The following CDH13 variants were observed in gnomAD, a reference collection of about 807,000 sequenced individuals.
CDH13 encodes cadherin 13.
In CDH13, 24 loss-of-function variants were observed where a neutral mutation model predicts 63.8. The ratio of observed to expected loss-of-function variants is 0.38; its 90% CI spans 0.27 to 0.53. The LOEUF is 0.53. Ranked by LOEUF, CDH13 falls within the 20% of genes least tolerant of loss-of-function variation. The pLI, the probability that CDH13 is intolerant of heterozygous loss-of-function variation, is 0.85. For synonymous variants in CDH13, 503 were observed against 355.3 expected (o/e 1.42, Z -4.67); for missense variants, 1,049 against 903.1 (o/e 1.16, Z -2.07).
chr16:83,693,268 T>G (rs536630816), intron 10 of CDH13, among the ~76,000 whole-genome samples: 13 of 152,256 alleles, frequency 8.5e-5, no homozygotes, highest in African/African-American at 2.9e-4. Context: ...ATCTAGATTA[T>G]GGAGTCACTG....
intron 1 of CDH13, among the ~76,000 whole-genome samples, chr16:82,793,673 C>G (rs2036431820): frequency 6.6e-6 from 1 of 152,130 alleles, no homozygotes; most frequent in Admixed American, 6.5e-5. Context: ...TCATTTTATT[C>G]TCCGCAGCCT....
intron 6 of CDH13, among the ~76,000 whole-genome samples, chr16:83,420,161 A>G (rs561752819): frequency 5.9e-5 from 9 of 152,308 alleles, no homozygotes; most frequent in Non-Finnish European, 7.4e-5. Flanking sequence ...AGATGCTACA[A>G]ATTGAAATGA....
At chr16:83,365,836 T>A (rs1468515201) in intron 6 of CDH13, among the ~76,000 whole-genome samples, 1 of 152,112 alleles carries the variant, frequency 6.6e-6, no homozygotes, top group Non-Finnish European at 1.5e-5. Context: ...TTGGGCTGCA[T>A]GGGAAGTGTG....
chr16:83,107,730 GT>G (rs2034842024), intron 3 of CDH13, among the ~76,000 whole-genome samples: 1 of 148,364 alleles, frequency 6.7e-6, no homozygotes, highest in African/African-American at 2.5e-5. Context: ...GGAATTTTAG[GT>G]GGGTTTTTTT....
chr16:83,602,600 C>A lies in CDH13; in HGVS notation c.1101+6C>A, dbSNP rs746633264. The A allele has an allele frequency of 2.5e-5, 40 of 1,613,710 alleles. No individual in the cohort carries two copies. The African/African-American group carries it at 4.1e-4, about 17-fold the overall frequency. On this transcript the variant is annotated splice_donor_region_variant and intron_variant, in intron 8 of 13. Coordinates refer to ENST00000567109, the MANE Select transcript of CDH13 (RefSeq NM_001257.5). ...CAAAATTCACCAAGAAAGAGGTAAA[C>A]CCCTGTGCCAAACACCAACCACCAC...
At chr16:82,907,815 C>T (rs2041699006) in intron 2 of CDH13, among the ~76,000 whole-genome samples, 1 of 152,148 alleles carries the variant, frequency 6.6e-6, no homozygotes, top group Non-Finnish European at 1.5e-5. Flanking sequence ...CACTCTGTTC[C>T]CATTCTATTT....
At chr16:82,732,518 C>G (rs534783044) in intron 1 of CDH13, among the ~76,000 whole-genome samples, 4 of 152,134 alleles carry the variant, frequency 2.6e-5, no homozygotes, top group Admixed American at 2.6e-4. Flanking sequence ...ATTTCTGAAG[C>G]TGTTGTAAAT....
rs945032571 is a variant in CDH13, at chr16:82,669,080, C to T, written c.45+41943C>T. ...CCACAAGCCACGGATGAGCCTTGAACCAGAGAAGCCACAAACTAGCATTTA... is the reference window on the plus strand; with the variant it reads ...CCACAAGCCACGGATGAGCCTTGAATCAGAGAAGCCACAAACTAGCATTTA... On this transcript the variant is annotated intron_variant, in intron 1 of 13. Transcript: ENST00000567109. Among the ~76,000 whole-genome samples, 13 of 152,310 alleles carry T rather than the reference C, an allele frequency of 8.5e-5. No homozygotes were observed. In the Middle Eastern group the frequency reaches 0.01, roughly 120 times the overall value.
intron 5 of CDH13, among the ~76,000 whole-genome samples, chr16:83,259,578 G>T (rs1906713383): frequency 6.6e-6 from 1 of 152,172 alleles, no homozygotes; most frequent in Non-Finnish European, 1.5e-5. Context: ...TAGATTACAG[G>T]CAGAGAAACA....
chr16:83,340,768 G>A (rs980439477), intron 5 of CDH13, among the ~76,000 whole-genome samples: 5 of 152,142 alleles, frequency 3.3e-5, no homozygotes, highest in Non-Finnish European at 5.9e-5. Flanking sequence ...GTAATTGCTC[G>A]GAGTTCAGGC....
chr16:83,167,065 C>T (rs910562223), intron 4 of CDH13, among the ~76,000 whole-genome samples: 15 of 152,040 alleles, frequency 9.9e-5, no homozygotes, highest in African/African-American at 3.6e-4. Context: ...GAAAACACGG[C>T]AGATTTCTCC....
intron 4 of CDH13, among the ~76,000 whole-genome samples, chr16:83,155,882 A>G (rs8046773): frequency 0.041 from 6,282 of 152,300 alleles, 166 homozygotes; most frequent in East Asian, 0.11. Context: ...TGAGCTTCCA[A>G]AAGCTTCAAT....
At chr16:83,132,477 C>G (rs1347552349) in intron 4 of CDH13, among the ~76,000 whole-genome samples, 2 of 107,252 alleles carry the variant, frequency 1.9e-5, no homozygotes, top group South Asian at 6.9e-4. Context: ...GAGACAGAGT[C>G]TTTCTCTGTC....
chr16:82,827,949 G>A (rs995213918), intron 1 of CDH13, among the ~76,000 whole-genome samples: 2 of 152,140 alleles, frequency 1.3e-5, no homozygotes, highest in African/African-American at 4.8e-5. Flanking sequence ...AGAGTATCCA[G>A]TCATCCTGGT....
At chr16:82,970,211 G>A (rs546742802) in intron 2 of CDH13, among the ~76,000 whole-genome samples, 14 of 152,100 alleles carry the variant, frequency 9.2e-5, no homozygotes, top group Non-Finnish European at 1.9e-4. Context: ...AGTTTGCTGA[G>A]AATGTTGGTT....
chr16:83,101,803 A>G (rs1230992528), intron 3 of CDH13, among the ~76,000 whole-genome samples: 2 of 152,072 alleles, frequency 1.3e-5, no homozygotes, highest in African/African-American at 4.8e-5. Context: ...CAATAAGGAA[A>G]TAGTGGGTAG....
chr16:82,838,563 G>C lies in CDH13; in HGVS notation c.46-19799G>C, dbSNP rs556814836. 4.8e-3 allele frequency among the ~76,000 whole-genome samples: 725 copies of C among 152,298 alleles called. 3 individuals are homozygous for C. Among genetic ancestry groups the C allele is most frequent in the Admixed American group, 7.8e-3 (119 of 15,304 alleles). On this transcript the variant is annotated intron_variant, in intron 1 of 13. Transcript: ENST00000567109. ...AAAGTAATAGTAATATCATGAAGAT[G>C]CTCATTGCTTCTGGGCTTTCCAAAT...
intron 3 of CDH13, among the ~76,000 whole-genome samples, chr16:83,042,521 TATCTC>T (rs1373433170): frequency 6.6e-6 from 1 of 152,188 alleles, no homozygotes; most frequent in Non-Finnish European, 1.5e-5. Context: ...GTTGTATACT[TATCTC>T]ATTGTATATT....
At chr16:83,099,654 C>T (rs1184505124) in intron 3 of CDH13, among the ~76,000 whole-genome samples, 2 of 105,058 alleles carry the variant, frequency 1.9e-5, no homozygotes, top group African/African-American at 6.5e-5. Context: ...CTTAACATAA[C>T]AGCCCATGAT....
Sources: gnomAD v4.1 joint callset for allele counts (sites outside exome capture counted in the v4.1 genomes callset) on GRCh38, gnomAD v4.1.1 for gene constraint, MANE v1.5 for transcripts, NCBI Gene and HGNC (gene_info 2026-07-23, HGNC 2026-07-21) for gene names.